Variants in CALN1 observed in about 807,000 individuals in gnomAD.
The protein encoded by CALN1 is calneuron 1.
Under a neutral mutation model 30.6 loss-of-function variants are expected in CALN1, and 17 were observed. The ratio of observed to expected loss-of-function variants is 0.56; its 90% CI spans 0.38 to 0.83. The LOEUF is 0.83. Ranked by LOEUF, CALN1 falls within the 40% of genes least tolerant of loss-of-function variation. The probability of loss-of-function intolerance (pLI) is 0.00; values close to 1 mark genes in which losing one functional copy is unlikely to be tolerated. For synonymous variants in CALN1, 156 were observed against 131.4 expected, an observed-to-expected ratio of 1.19 and a Z score of -1.28; for missense variants, 291 against 354.9, an observed-to-expected ratio of 0.82 and a Z score of 1.45.
intron 3 of CALN1, among the ~76,000 whole-genome samples, chr7:72,182,736 G>GAA (rs11388147): frequency 4.4e-4 from 62 of 140,146 alleles, no homozygotes; most frequent in Admixed American, 1.1e-3. Flanking sequence ...AACAAAAAAT[G>GAA]AAAAAAAAAT....
At position 71,787,562 on chromosome 7, in the gene CALN1, G is replaced by A. The variant is rs1793046333; in HGVS notation, c.*213C>T. ...TGCATTAGAAAACAAAACCATTAAA[G>A]CACTGAAGACAGCCCTTTAGTGTCC... is the stretch of plus-strand genomic sequence containing the variant. On this transcript the variant is annotated 3_prime_UTR_variant, in exon 7 of 7. Coordinates refer to ENST00000395275, the MANE Select transcript of CALN1 (RefSeq NM_031468.4). 1 of 526,260 alleles carries A rather than the reference G, an allele frequency of 1.9e-6. No individual in the cohort carries two copies. The allele number at this position is 526,260 out of a possible 1,614,324, so 32.6% of individuals were successfully genotyped here.
chr7:71,960,323 G>A (rs558284743), intron 5 of CALN1, among the ~76,000 whole-genome samples: 42 of 152,066 alleles, frequency 2.8e-4, no homozygotes, highest in Non-Finnish European at 4.0e-4. Flanking sequence ...TCTTACTTCC[G>A]TCCCAGCCTC....
chr7:72,110,395 C>T (rs551343278), intron 3 of CALN1, among the ~76,000 whole-genome samples: 1 of 152,320 alleles, frequency 6.6e-6, no homozygotes, highest in Non-Finnish European at 1.5e-5. Context: ...AAGGGACCTG[C>T]TCCTTCGAAG....
At chr7:71,885,454 C>A (rs544793924) in intron 5 of CALN1, among the ~76,000 whole-genome samples, 1 of 152,240 alleles carries the variant, frequency 6.6e-6, no homozygotes, top group African/African-American at 2.4e-5. Context: ...CCCCAGCCGC[C>A]AATGTTATTT....
chr7:72,136,168 T>TAAATAAATAAATAAATAAAG (rs1809498853), intron 3 of CALN1, among the ~76,000 whole-genome samples: 2 of 151,820 alleles, frequency 1.3e-5, no homozygotes, highest in South Asian at 4.2e-4. Flanking sequence ...AATAAATAAA[T>TAAATAAATAAATAAATAAAG]AAAGGGCTGG....
In CALN1 at chr7:72,294,483, C is replaced by T. The variant is rs549089295; in HGVS notation, c.120-15673G>A. 2.0e-5 allele frequency among the ~76,000 whole-genome samples: 3 copies of T among 152,178 alleles called. No individual in the cohort carries two copies. The South Asian group carries it at 6.2e-4, about 32-fold the overall frequency. On this transcript the variant is annotated intron_variant, in intron 2 of 6. Transcript: ENST00000395275. ...AAGAAAAACTGCCTGGGCACAGTGG[C>T]TCATACTCACAATCCCCACACTTTG... is the stretch of plus-strand genomic sequence containing the variant.
At chr7:71,846,685 T>C (rs1790257382) in intron 5 of CALN1, among the ~76,000 whole-genome samples, 1 of 150,986 alleles carries the variant, frequency 6.6e-6, no homozygotes, top group African/African-American at 2.4e-5. Flanking sequence ...TTTATTTATC[T>C]ACCTGTCTAC....
chr7:71,934,892 ACTC>A (rs1795749159), intron 5 of CALN1, among the ~76,000 whole-genome samples: 1 of 151,904 alleles, frequency 6.6e-6, no homozygotes, highest in Non-Finnish European at 1.5e-5. Context: ...GTGCAGGAGA[ACTC>A]CTGTTTATAA....
intron 4 of CALN1, among the ~76,000 whole-genome samples, chr7:72,092,355 T>A (rs965155389): frequency 5.3e-5 from 8 of 152,088 alleles, no homozygotes. Context: ...GCCTAATACA[T>A]AGTCATGTTT....
intron 2 of CALN1, among the ~76,000 whole-genome samples, chr7:72,399,527 C>T (rs1806198732): frequency 6.6e-6 from 1 of 152,020 alleles, no homozygotes; most frequent in Non-Finnish European, 1.5e-5. Flanking sequence ...CCTCGGACTC[C>T]CAAAGTGCTG....
At chr7:71,977,153 C>A (rs1373988257) in intron 5 of CALN1, among the ~76,000 whole-genome samples, 1 of 152,146 alleles carries the variant, frequency 6.6e-6, no homozygotes, top group Non-Finnish European at 1.5e-5. Context: ...AAAATCAATT[C>A]TAGTGCATTG....
chr7:72,419,409 T>G (rs1300350246), intron 1 of CALN1, among the ~76,000 whole-genome samples: 3 of 152,130 alleles, frequency 2.0e-5, no homozygotes, highest in African/African-American at 7.2e-5. Flanking sequence ...GGCAGGGCAT[T>G]TGGCTGCCGT....
At position 72,393,311 on chromosome 7, in the gene CALN1, G is replaced by A. The variant is rs1320768169; in HGVS notation, c.119+9940C>T. On this transcript the variant is annotated intron_variant, in intron 2 of 6. Transcript: ENST00000395275. ...AACCCCATCTCTACTAAAAATACAA[G>A]AAATTAGCCGGGCATGGTGGCGGGC... 5.9e-5 allele frequency among the ~76,000 whole-genome samples: 9 copies of A among 151,830 alleles called. No homozygotes were observed. In the East Asian group the frequency reaches 1.8e-3, roughly 30 times the overall value.
intron 3 of CALN1, among the ~76,000 whole-genome samples, chr7:72,142,694 C>T (rs1030323572): frequency 6.6e-6 from 1 of 152,194 alleles, no homozygotes; most frequent in African/African-American, 2.4e-5. Context: ...GGGTCCTTGA[C>T]CCCCGAGTAG....
At chr7:72,032,563 A>G (rs1228549007) in intron 4 of CALN1, among the ~76,000 whole-genome samples, 1 of 152,180 alleles carries the variant, frequency 6.6e-6, no homozygotes, top group African/African-American at 2.4e-5. Flanking sequence ...TGGTCCTGGC[A>G]TAGGATCACA....
intron 3 of CALN1, among the ~76,000 whole-genome samples, chr7:72,201,534 T>A (rs1344499415): frequency 6.6e-6 from 1 of 151,612 alleles, no homozygotes; most frequent in African/African-American, 2.4e-5. Context: ...AAGGCTGCAG[T>A]GAGCTGAGAT....
intron 4 of CALN1, among the ~76,000 whole-genome samples, chr7:72,024,206 C>A (rs10280568): frequency 0.14 from 21,542 of 152,070 alleles, 2,377 homozygotes; most frequent in East Asian, 0.34. Context: ...GCTGTATCTT[C>A]CTCATTACTC....
intron 3 of CALN1, among the ~76,000 whole-genome samples, chr7:72,115,221 T>C (rs1329501052): frequency 2.7e-5 from 4 of 145,516 alleles, no homozygotes; most frequent in South Asian, 2.2e-4. Flanking sequence ...ATATAATATA[T>C]ACTATATATA....
chr7:72,392,449 A>C (rs185919817), intron 2 of CALN1, among the ~76,000 whole-genome samples: 83 of 152,262 alleles, frequency 5.5e-4, no homozygotes, highest in African/African-American at 1.9e-3. Flanking sequence ...ATGGATGGAG[A>C]GCTGAACGGT....
Sources: allele counts gnomAD v4.1 joint callset (sites outside exome capture counted in the v4.1 genomes callset), GRCh38; gene constraint gnomAD v4.1.1; transcripts MANE v1.5; gene names NCBI Gene and HGNC (gene_info 2026-07-23, HGNC 2026-07-21).